The following GRM5 variants were observed in gnomAD, a reference collection of about 807,000 sequenced individuals.
GRM5 encodes the protein glutamate metabotropic receptor 5.
GRM5 carries 19 observed loss-of-function variants against 83.1 expected under a neutral mutation model. That is an observed-to-expected ratio of 0.23 (90% CI 0.16 to 0.34). The LOEUF (loss-of-function observed/expected upper bound fraction) is 0.34, where lower values mean the gene tolerates loss of function less well. Ranked by LOEUF, GRM5 falls within the 10% of genes least tolerant of loss-of-function variation. The pLI is 1.00. For synonymous variants in GRM5, 675 were observed against 633.6 expected (o/e 1.07, Z -0.98); for missense variants, 1,160 against 1,588.3 (o/e 0.73, Z 4.58).
At position 88,567,042 on chromosome 11, in the gene GRM5, A is replaced by G; in HGVS notation, c.2630+11T>C. On this transcript the variant is annotated intron_variant, in intron 8 of 9. Coordinates refer to ENST00000305447, the MANE Select transcript of GRM5 (RefSeq NM_001143831.3). The surrounding 1 kb of genome is among the most constrained non-coding windows in gnomAD (Gnocchi z 7.3). ...GGGGCCAGCATCCCTGTAAGCCCCC[A>G]CAACTTTTACCTTAAGGTTTCCCCA... The G allele has an allele frequency of 1.3e-6, 2 of 1,565,110 alleles. No individual in the cohort carries two copies. The highest frequency in any genetic ancestry group is 8.7e-7 in the Non-Finnish European group (1 of 1,147,046).
intron 3 of GRM5, among the ~76,000 whole-genome samples, chr11:88,779,413 G>A (rs1159571125): frequency 2.0e-5 from 3 of 152,114 alleles, no homozygotes; most frequent in Non-Finnish European, 4.4e-5. Flanking sequence ...AGACTCCGCT[G>A]GGTTTAGAGG....
intron 3 of GRM5, among the ~76,000 whole-genome samples, chr11:88,685,754 A>G (rs753347413): frequency 2.0e-5 from 3 of 152,126 alleles, no homozygotes; most frequent in Non-Finnish European, 4.4e-5. Context: ...AGAGGGTGCG[A>G]CCCCCAAGTC....
chr11:88,814,373 T>C (rs1943634450), intron 3 of GRM5, among the ~76,000 whole-genome samples: 1 of 152,138 alleles, frequency 6.6e-6, no homozygotes, highest in Non-Finnish European at 1.5e-5. Flanking sequence ...TAGCAAATAA[T>C]TTATCAGTAC....
At chr11:88,933,739 T>A (rs1937796569) in intron 2 of GRM5, among the ~76,000 whole-genome samples, 1 of 151,840 alleles carries the variant, frequency 6.6e-6, no homozygotes, top group South Asian at 2.1e-4. Context: ...ATCACACATG[T>A]TTGAGAATGT....
intron 2 of GRM5, among the ~76,000 whole-genome samples, chr11:88,939,660 T>C (rs1451559136): frequency 6.6e-6 from 1 of 151,764 alleles, no homozygotes; most frequent in African/African-American, 2.4e-5. Context: ...ATAATTCCAA[T>C]ATGATTAGAA....
intron 3 of GRM5, among the ~76,000 whole-genome samples, chr11:88,835,391 C>T (rs572153984): frequency 1.2e-3 from 189 of 152,272 alleles, no homozygotes; most frequent in Non-Finnish European, 1.7e-3. Context: ...TTCTGATATT[C>T]GGCTGGTATG....
chr11:88,690,816 C>G (rs1360712094), intron 3 of GRM5, among the ~76,000 whole-genome samples: 6 of 152,188 alleles, frequency 3.9e-5, no homozygotes, highest in African/African-American at 1.4e-4. Context: ...GTACAACCTG[C>G]ACTGAGAATT....
chr11:88,617,733 G>GA (rs1206130613), intron 4 of GRM5, among the ~76,000 whole-genome samples: 1 of 152,148 alleles, frequency 6.6e-6, no homozygotes, highest in Non-Finnish European at 1.5e-5. Context: ...GTGTGCGGGG[G>GA]AAAATTCTCT....
At chr11:88,725,939 G>GC (rs1941670278) in intron 3 of GRM5, among the ~76,000 whole-genome samples, 3 of 152,120 alleles carry the variant, frequency 2.0e-5, no homozygotes, top group Admixed American at 2.0e-4. Context: ...AAAAAACAGT[G>GC]CAAAAAGGTT....
intron 2 of GRM5, among the ~76,000 whole-genome samples, chr11:88,896,103 A>C (rs533377029): frequency 6.4e-4 from 98 of 152,068 alleles, no homozygotes; most frequent in Non-Finnish European, 7.5e-4. Flanking sequence ...TGCAACAAAC[A>C]TATCACTTAC....
chr11:88,870,002 GA>G (rs958802731), intron 2 of GRM5, among the ~76,000 whole-genome samples: 1 of 151,324 alleles, frequency 6.6e-6, no homozygotes, highest in African/African-American at 2.4e-5. Flanking sequence ...ATAGAAGTAA[GA>G]AAAAATATAA....
intron 2 of GRM5, among the ~76,000 whole-genome samples, chr11:88,893,537 C>T (rs1164983899): frequency 6.6e-6 from 1 of 151,972 alleles, no homozygotes; most frequent in African/African-American, 2.4e-5. Flanking sequence ...AAAGATTTAG[C>T]CAAGGTTAAC....
At chr11:88,647,003 C>T (rs1282109194) in intron 4 of GRM5, among the ~76,000 whole-genome samples, 1 of 151,974 alleles carries the variant, frequency 6.6e-6, no homozygotes, top group Non-Finnish European at 1.5e-5. Context: ...GTCATACTCC[C>T]TCTGAGACTC....
intron 2 of GRM5, among the ~76,000 whole-genome samples, chr11:88,901,303 T>C (rs74588346): frequency 0.11 from 16,020 of 152,170 alleles, 1,336 homozygotes; most frequent in African/African-American, 0.2. Flanking sequence ...TTGACATATA[T>C]TAATTCACTT....
At chr11:88,785,130 G>A (rs1445626543) in intron 3 of GRM5, among the ~76,000 whole-genome samples, 2 of 152,076 alleles carry the variant, frequency 1.3e-5, no homozygotes, top group Non-Finnish European at 2.9e-5. Context: ...GCTTGTCAGT[G>A]GAGGTGGAGT....
chr11:88,575,267 T>C (rs1003678573), intron 7 of GRM5, among the ~76,000 whole-genome samples: 1 of 152,168 alleles, frequency 6.6e-6, no homozygotes. Flanking sequence ...TCATGTGTTA[T>C]TCCAGAAATT....
chr11:88,957,998 T>G (rs1444659519), intron 2 of GRM5, among the ~76,000 whole-genome samples: 1 of 151,986 alleles, frequency 6.6e-6, no homozygotes, highest in Non-Finnish European at 1.5e-5. Flanking sequence ...AAACTTATAT[T>G]TTTTATACTA....
At position 88,714,754 on chromosome 11, in the gene GRM5, T is replaced by C. The variant is rs375545787; in HGVS notation, c.912-61351A>G. On this transcript the variant is annotated intron_variant, in intron 3 of 9. Coordinates refer to ENST00000305447, the MANE Select transcript of GRM5 (RefSeq NM_001143831.3). ...TCCTGTGATGCATATTGACTTCATC[T>C]GTAGTACAGCTGCATCTACAACTCT... is the stretch of plus-strand genomic sequence containing the variant. Among the ~76,000 whole-genome samples, 11 of 152,030 alleles carry C rather than the reference T, an allele frequency of 7.2e-5. No individual in the cohort carries two copies. In the South Asian group the frequency reaches 1.9e-3, roughly 26 times the overall value.
At chr11:88,926,396 T>A (rs1380759025) in intron 2 of GRM5, among the ~76,000 whole-genome samples, 2 of 152,202 alleles carry the variant, frequency 1.3e-5, no homozygotes, top group South Asian at 4.1e-4. Flanking sequence ...TACTTATTGC[T>A]TTAAAATGAT....
Sources: allele counts gnomAD v4.1 joint callset (sites outside exome capture counted in the v4.1 genomes callset), GRCh38; gene constraint gnomAD v4.1.1; non-coding constraint Gnocchi (gnomAD v3.1); transcripts MANE v1.5; gene names NCBI Gene and HGNC (gene_info 2026-07-23, HGNC 2026-07-21).